The following TFF3 variants were observed in gnomAD, a reference collection of about 807,000 sequenced individuals.
TFF3 encodes the protein trefoil factor 3, also known as polypeptide P1.B.
TFF3 carries 6 observed loss-of-function variants against 9.7 expected under a neutral mutation model. The ratio of observed to expected loss-of-function variants is 0.62; its 90% CI spans 0.34 to 1.22. The LOEUF is 1.22. Ranked by LOEUF, TFF3 falls within the 50% of genes most tolerant of loss-of-function variation. The probability of loss-of-function intolerance (pLI) is 0.04; values close to 1 mark genes in which losing one functional copy is unlikely to be tolerated. For missense variants in TFF3, 93 were observed against 98.6 expected (o/e 0.94, Z 0.24); for synonymous variants, 48 against 41.4 (o/e 1.16, Z -0.61).
chr21:42,312,101 T>G lies in TFF3; in HGVS notation c.*155A>C, dbSNP rs1334109340. 2.0e-6 allele frequency: 2 copies of G among 1,007,380 alleles called. No homozygotes were observed. The highest frequency in any genetic ancestry group is 1.3e-5 in the South Asian group (1 of 77,612). 62.4% of individuals were successfully genotyped at this position (1,007,380 alleles called of 1,614,324 possible). ...GGTGGAGCATGGGACCTTTATTCGT[T>G]AAGACATCAGGCTCCAGATATGAAC... On this transcript the variant is annotated 3_prime_UTR_variant, in exon 3 of 3. Coordinates refer to ENST00000518498, the MANE Select transcript of TFF3 (RefSeq NM_003226.4).
Position 42,313,799 on chromosome 21 carries a change from A to G in TFF3, c.83-168T>C. On this transcript the variant is annotated intron_variant, in intron 1 of 2. Transcript: ENST00000518498. This position sits in a 1 kb window ranked among gnomAD's most constrained non-coding sequence, Gnocchi z 4.0. ...AGATGCACTTTCCCTGTGAATATTT[A>G]AAGAGAGGCAGTCTGTTAAATGCTC... 1.4e-6 allele frequency: 1 copy of G among 722,852 alleles called. No individual in the cohort carries two copies. The highest frequency in any genetic ancestry group is 2.1e-5 in the South Asian group (1 of 46,556). 44.8% of individuals were successfully genotyped at this position (722,852 alleles called of 1,614,324 possible).
rs1601478966 is a variant in TFF3 at position 42,312,346 on chromosome 21, TC to T, written c.230-78del. The T allele has an allele frequency of 1.4e-4, 209 of 1,521,998 alleles. 1 individual carries two copies. The East Asian group carries it at 4.6e-3, about 34-fold the overall frequency. The allele number at this position is 1,521,998 out of a possible 1,614,324, so 94.3% of individuals were successfully genotyped here. ...CCAGCTTCCCAAGGTCAGGGCAGGC[TC>T]CAAGGCCAGCACCTAGTGCTGCCTC... On this transcript the variant is annotated intron_variant, in intron 2 of 2. Transcript: ENST00000518498.
intron 2 of TFF3, among the ~76,000 whole-genome samples, chr21:42,312,486 G>T (rs118173638): frequency 0.015 from 2,219 of 152,344 alleles, 33 homozygotes; most frequent in Middle Eastern, 0.027. Flanking sequence ...CAGATAACAA[G>T]CGAGATGGGC....
In TFF3 at chr21:42,314,301, GCTTATCCTCCTGGCATCCAAA is replaced by G. The variant is rs535693504; in HGVS notation, c.83-691_83-671del. On this transcript the variant is annotated intron_variant, in intron 1 of 2. Coordinates refer to ENST00000518498, the MANE Select transcript of TFF3 (RefSeq NM_003226.4). ...CTTCTCTTGCTCCCAGTCCGTAATT[GCTTATCCTCCTGGCATCCAAA>G]CTTCGCTCACACTGGAATCAGCTGC... is the stretch of plus-strand genomic sequence containing the variant. Among the ~76,000 whole-genome samples, 18 of 152,280 alleles carry G rather than the reference GCTTATCCTCCTGGCATCCAAA, an allele frequency of 1.2e-4. No homozygotes were observed. In the East Asian group the frequency reaches 3.3e-3, roughly 28 times the overall value.
Position 42,313,739 on chromosome 21 carries a change from G to A in TFF3, c.83-108C>T, listed in dbSNP as rs541825995. The A allele has an allele frequency of 7.6e-6, 10 of 1,316,822 alleles. No individual in the cohort carries two copies. Among genetic ancestry groups the A allele is most frequent in the Non-Finnish European group, 1.0e-5 (10 of 985,452 alleles). 81.6% of individuals were successfully genotyped at this position (1,316,822 alleles called of 1,614,324 possible). On this transcript the variant is annotated intron_variant, in intron 1 of 2. Coordinates refer to ENST00000518498, the MANE Select transcript of TFF3 (RefSeq NM_003226.4). This position sits in a 1 kb window ranked among gnomAD's most constrained non-coding sequence, Gnocchi z 4.0. ...TCCTCCCGCTCCGCCCCACCCCGCC[G>A]AGTTCAACCACTGCTGAAACCCTCG...
At chr21:42,312,671 G>A (rs570413642) in intron 2 of TFF3, among the ~76,000 whole-genome samples, 244 of 152,174 alleles carry the variant, frequency 1.6e-3, no homozygotes, top group Non-Finnish European at 3.0e-3. Context: ...CTGGGCAGGG[G>A]CCCATCATTG....
intron 2 of TFF3, among the ~76,000 whole-genome samples, chr21:42,312,753 T>G (rs1158304555): frequency 2.6e-5 from 4 of 152,154 alleles, no homozygotes; most frequent in Non-Finnish European, 5.9e-5. Context: ...GAGAGGCCCC[T>G]CTGGATGCTG....
At chr21:42,314,225 A>T (rs2069346690) in intron 1 of TFF3, among the ~76,000 whole-genome samples, 1 of 152,184 alleles carries the variant, frequency 6.6e-6, no homozygotes, top group South Asian at 2.1e-4. Flanking sequence ...TCATTAACGA[A>T]CTGAGTATTT....
At position 42,311,987 on chromosome 21, in the gene TFF3, T is replaced by C. The variant is rs2146376433; in HGVS notation, c.*269A>G. 1 of 662,772 alleles carries C rather than the reference T, an allele frequency of 1.5e-6. No individual in the cohort carries two copies. 41.1% of individuals were successfully genotyped at this position (662,772 alleles called of 1,614,324 possible). ...TCCTGCCCTTGAGGCCTGGGCAGACTCTCCCCTGACACCCTCCCGCCCTCT... is the reference window on the plus strand; with the variant it reads ...TCCTGCCCTTGAGGCCTGGGCAGACCCTCCCCTGACACCCTCCCGCCCTCT... On this transcript the variant is annotated 3_prime_UTR_variant, in exon 3 of 3. Transcript: ENST00000518498.
Position 42,313,809 on chromosome 21 carries a change from A to G in TFF3, c.83-178T>C. 1 of 687,560 alleles carries G rather than the reference A, an allele frequency of 1.5e-6. No individual in the cohort carries two copies. Among genetic ancestry groups the G allele is most frequent in the South Asian group, 2.2e-5 (1 of 45,782 alleles). The allele number at this position is 687,560 out of a possible 1,614,324, so 42.6% of individuals were successfully genotyped here. ...TCCCTGTGAATATTTAAAGAGAGGC[A>G]GTCTGTTAAATGCTCAGCTCGGGGA... On this transcript the variant is annotated intron_variant, in intron 1 of 2. Transcript: ENST00000518498. This position sits in a 1 kb window ranked among gnomAD's most constrained non-coding sequence, Gnocchi z 4.0.
chr21:42,313,431 A>G lies in TFF3; in HGVS notation c.229+54T>C. 3 of 1,551,264 alleles carry G rather than the reference A, an allele frequency of 1.9e-6. No homozygotes were observed. Among genetic ancestry groups the G allele is most frequent in the Non-Finnish European group, 2.6e-6 (3 of 1,150,238 alleles). ...GCCCAGAAAGGACAGGGAGGCCCTG[A>G]GACCCCCTGCCTTATGGGGCTGGGC... On this transcript the variant is annotated intron_variant, in intron 2 of 2. Coordinates refer to ENST00000518498, the MANE Select transcript of TFF3 (RefSeq NM_003226.4). The surrounding 1 kb of genome is among the most constrained non-coding windows in gnomAD (Gnocchi z 4.0).
Position 42,313,178 on chromosome 21 carries a change from C to T in TFF3, c.229+307G>A, listed in dbSNP as rs376480798. Among the ~76,000 whole-genome samples, 7 of 152,352 alleles carry T rather than the reference C, an allele frequency of 4.6e-5. No homozygotes were observed. Among genetic ancestry groups the T allele is most frequent in the African/African-American group, 1.7e-4 (7 of 41,584 alleles). On this transcript the variant is annotated intron_variant, in intron 2 of 2. Transcript: ENST00000518498. This position sits in a 1 kb window ranked among gnomAD's most constrained non-coding sequence, Gnocchi z 4.0. ...GCCCAAAAGTCGGCCCGGCTTTCCA[C>T]ACCTATGCGTTTCCACTTCTCTCAA...
At chr21:42,312,346 T>C in intron 2 of TFF3, 77 bp from the exon 3 acceptor site, 2 of 1,522,002 alleles carry the variant, frequency 1.3e-6, no homozygotes, top group Non-Finnish European at 1.8e-6. Flanking sequence ...CAGGGCAGGC[T>C]CCAAGGCCAG....
chr21:42,315,277 T>G lies in TFF3; in HGVS notation c.82+16A>C. 1 of 1,607,464 alleles carries G rather than the reference T, an allele frequency of 6.2e-7. No individual in the cohort carries two copies. Among genetic ancestry groups the G allele is most frequent in the Non-Finnish European group, 8.5e-7 (1 of 1,176,074 alleles). ...CACGCCCACCCTGCCACCGGGGCAGTCAGGGCAGTACTCACACAGGCCCAC... is the reference window on the plus strand; with the variant it reads ...CACGCCCACCCTGCCACCGGGGCAGGCAGGGCAGTACTCACACAGGCCCAC... On this transcript the variant is annotated intron_variant, in intron 1 of 2. Transcript: ENST00000518498.
chr21:42,312,379 A>G (rs1183414341), intron 2 of TFF3, 110 bp from the exon 3 acceptor site: 11 of 1,326,310 alleles, frequency 8.3e-6, no homozygotes, highest in Non-Finnish European at 1.1e-5. Context: ...CCTCCTCCCC[A>G]GAGTCACCGG....
chr21:42,314,444 A>G (rs1015448481), intron 1 of TFF3, among the ~76,000 whole-genome samples: 23 of 152,182 alleles, frequency 1.5e-4, no homozygotes, highest in African/African-American at 5.3e-4. Flanking sequence ...ACTTGAGGCC[A>G]GGAGTTTGAG....
rs577652409 is a variant in TFF3, at chr21:42,313,372, G to A, written c.229+113C>T. On this transcript the variant is annotated intron_variant, in intron 2 of 2. Transcript: ENST00000518498. This position sits in a 1 kb window ranked among gnomAD's most constrained non-coding sequence, Gnocchi z 4.0. The stretch of plus-strand genomic sequence containing the variant: ...GAGGCCTTGGAACAGGTGTGTGTGT[G>A]TGGCTTCCTGGGGTCCTTGTGCCTC... 5 of 1,325,638 alleles carry A rather than the reference G, an allele frequency of 3.8e-6. No homozygotes were observed. Among genetic ancestry groups the A allele is most frequent in the Middle Eastern group, 2.7e-4 (1 of 3,708 alleles). The allele number at this position is 1,325,638 out of a possible 1,614,324, so 82.1% of individuals were successfully genotyped here.
chr21:42,312,563 G>A (rs1041066015), intron 2 of TFF3, among the ~76,000 whole-genome samples: 16 of 152,140 alleles, frequency 1.1e-4, no homozygotes, highest in Non-Finnish European at 1.9e-4. Context: ...GAACAGGACC[G>A]GCAGTGGACA....
chr21:42,313,454 G>T lies in TFF3; in HGVS notation c.229+31C>A. The T allele has an allele frequency of 6.3e-7, 1 of 1,587,950 alleles. No individual in the cohort carries two copies. The highest frequency in any genetic ancestry group is 8.6e-7 in the Non-Finnish European group (1 of 1,167,384). On this transcript the variant is annotated intron_variant, in intron 2 of 2. Coordinates refer to ENST00000518498, the MANE Select transcript of TFF3 (RefSeq NM_003226.4). This position sits in a 1 kb window ranked among gnomAD's most constrained non-coding sequence, Gnocchi z 4.0. Reference sequence around the variant, plus strand: ...TGAGACCCCCTGCCTTATGGGGCTGGGCCCAGACCACGATGCCACTGGGGC... The same window carrying T: ...TGAGACCCCCTGCCTTATGGGGCTGTGCCCAGACCACGATGCCACTGGGGC...
Sources: allele counts gnomAD v4.1 joint callset (sites outside exome capture counted in the v4.1 genomes callset), GRCh38; gene constraint gnomAD v4.1.1; non-coding constraint Gnocchi (gnomAD v3.1); transcripts MANE v1.5; gene names NCBI Gene and HGNC (gene_info 2026-07-23, HGNC 2026-07-21).